CFAP77: variants seen among roughly 807,000 people sequenced by gnomAD.
CFAP77 encodes the protein cilia- and flagella-associated protein 77.
In CFAP77, 25 loss-of-function variants were observed where a neutral mutation model predicts 31.1. The observed-to-expected ratio is 0.80, with a 90% CI of 0.59 to 1.12. The LOEUF is 1.12. CFAP77 is among the 50% of genes most tolerant of loss of function. The pLI, the probability that CFAP77 is intolerant of heterozygous loss-of-function variation, is 0.00. For synonymous variants in CFAP77, 151 were observed against 159.9 expected, an observed-to-expected ratio of 0.94 and a Z score of 0.42; for missense variants, 377 against 397.3, an observed-to-expected ratio of 0.95 and a Z score of 0.44.
At chr9:132,523,081 CTTCT>C (rs376216807) in intron 3 of CFAP77, among the ~76,000 whole-genome samples, 1 of 96,372 alleles carries the variant, frequency 1.0e-5, no homozygotes, top group Non-Finnish European at 2.0e-5. Flanking sequence ...AGGCTTCTTT[CTTCT>C]TTCTTTTTTT....
intron 1 of CFAP77, among the ~76,000 whole-genome samples, chr9:132,433,709 A>C (rs550063603): frequency 8.0e-4 from 122 of 152,000 alleles, no homozygotes; most frequent in African/African-American, 2.7e-3. Flanking sequence ...CACCATGCCC[A>C]GCTAATTTTT....
In CFAP77 at chr9:132,565,347, C is replaced by T. The variant is rs1316968800; in HGVS notation, c.733-7041C>T. Among the ~76,000 whole-genome samples the T allele has an allele frequency of 2.0e-5, 3 of 152,028 alleles. No homozygotes were observed. Among genetic ancestry groups the T allele is most frequent in the African/African-American group, 7.2e-5 (3 of 41,412 alleles). On this transcript the variant is annotated intron_variant, in intron 5 of 5. Coordinates refer to ENST00000393216, the MANE Select transcript of CFAP77 (RefSeq NM_001282957.2). This position sits in a 1 kb window ranked among gnomAD's most constrained non-coding sequence, Gnocchi z 4.1. ...CACAATCTTATTAAATAGCTCTTGT[C>T]GGCCTGGTGCCGTGGCTCACGCCTG...
intron 1 of CFAP77, among the ~76,000 whole-genome samples, chr9:132,458,220 G>C (rs1261135319): frequency 1.3e-5 from 2 of 152,190 alleles, no homozygotes; most frequent in Admixed American, 6.5e-5. Context: ...GGAGCCAGGG[G>C]CGCTTGCACA....
chr9:132,566,937 A>AT (rs1829891493), intron 5 of CFAP77, among the ~76,000 whole-genome samples: 1 of 152,140 alleles, frequency 6.6e-6, no homozygotes, highest in Non-Finnish European at 1.5e-5. Flanking sequence ...CTCATCATTC[A>AT]TTCATACATT....
intron 4 of CFAP77, 132 bp from the exon 5 acceptor site, chr9:132,542,814 G>A (rs1323055285): frequency 4.3e-6 from 3 of 699,666 alleles, no homozygotes; most frequent in Non-Finnish European, 7.6e-6. Flanking sequence ...GAGAAGGGCT[G>A]GGGCCAGAAG....
chr9:132,508,936 G>T (rs546554265), intron 3 of CFAP77, among the ~76,000 whole-genome samples: 3 of 152,306 alleles, frequency 2.0e-5, no homozygotes, highest in Non-Finnish European at 4.4e-5. Context: ...TCCACAGGCC[G>T]CATGCTTCCA....
chr9:132,539,003 C>T lies in CFAP77; in HGVS notation c.630+1297C>T, dbSNP rs1389492700. ...TCGGGAGGCTGAGGCAAGAGAGTTGCTTGGACCCAGGAGGTGGAGGTTGCA... is the reference window on the plus strand; with the variant it reads ...TCGGGAGGCTGAGGCAAGAGAGTTGTTTGGACCCAGGAGGTGGAGGTTGCA... On this transcript the variant is annotated intron_variant, in intron 4 of 5. Coordinates refer to ENST00000393216, the MANE Select transcript of CFAP77 (RefSeq NM_001282957.2). This position sits in a 1 kb window ranked among gnomAD's most constrained non-coding sequence, Gnocchi z 4.3. Among the ~76,000 whole-genome samples, 1 of 152,150 alleles carries T rather than the reference C, an allele frequency of 6.6e-6. No homozygotes were observed. The highest frequency in any genetic ancestry group is 2.4e-5 in the African/African-American group (1 of 41,424).
At chr9:132,470,116 G>C (rs1851228863) in intron 1 of CFAP77, among the ~76,000 whole-genome samples, 1 of 152,170 alleles carries the variant, frequency 6.6e-6, no homozygotes, top group African/African-American at 2.4e-5. Flanking sequence ...TGGGATTACA[G>C]GCGTGAGCCA....
Position 132,461,808 on chromosome 9 carries a change from C to T in CFAP77, c.196-36887C>T, listed in dbSNP as rs1416576606. On this transcript the variant is annotated intron_variant, in intron 1 of 5. Transcript: ENST00000393216. ...GACAGACAGGCTTCTCAGCCAAGGC[C>T]TTTGTTGTGCCACTTCATCCGCCTC... Among the ~76,000 whole-genome samples the T allele has an allele frequency of 2.6e-5, 4 of 152,208 alleles. No homozygotes were observed. The East Asian group carries it at 7.7e-4, about 29-fold the overall frequency.
rs1031725214 is a variant in CFAP77, at chr9:132,481,970, G to C, written c.196-16725G>C. Among the ~76,000 whole-genome samples the C allele has an allele frequency of 4.0e-4, 61 of 150,964 alleles. 1 individual carries two copies. Among genetic ancestry groups the C allele is most frequent in the Admixed American group, 2.0e-3 (31 of 15,176 alleles). On this transcript the variant is annotated intron_variant, in intron 1 of 5. Transcript: ENST00000393216. This position sits in a 1 kb window ranked among gnomAD's most constrained non-coding sequence, Gnocchi z 5.0. ...CAAGGGTTTATGGTTGGGGGGGGGG[G>C]GGGCGGCGGAACACTGAACATTTTT...
At chr9:132,469,303 C>A (rs1038541142) in intron 1 of CFAP77, among the ~76,000 whole-genome samples, 1 of 152,210 alleles carries the variant, frequency 6.6e-6, no homozygotes, top group Non-Finnish European at 1.5e-5. Context: ...CCATTTCCCC[C>A]CTAATTTGTA....
chr9:132,413,733 T>C (rs1216533800), intron 1 of CFAP77, among the ~76,000 whole-genome samples: 1 of 152,204 alleles, frequency 6.6e-6, no homozygotes, highest in Non-Finnish European at 1.5e-5. Flanking sequence ...CCTGACAGCC[T>C]TGGATCTTCT....
At position 132,498,052 on chromosome 9, in the gene CFAP77, G is replaced by T. The variant is rs1851774385; in HGVS notation, c.196-643G>T. 6.6e-6 allele frequency among the ~76,000 whole-genome samples: 1 copy of T among 152,084 alleles called. No individual in the cohort carries two copies. The highest frequency in any genetic ancestry group is 1.5e-5 in the Non-Finnish European group (1 of 67,992). ...GGGTGGTGGCGGCAGGGTGGGGGCG[G>T]CTAATGTGGTTGATGACAGGGCAAT... is the stretch of plus-strand genomic sequence containing the variant. On this transcript the variant is annotated intron_variant, in intron 1 of 5. Coordinates refer to ENST00000393216, the MANE Select transcript of CFAP77 (RefSeq NM_001282957.2). The surrounding 1 kb of genome is among the most constrained non-coding windows in gnomAD (Gnocchi z 4.2).
chr9:132,424,265 G>A lies in CFAP77; in HGVS notation c.195+13799G>A, dbSNP rs895459849. On this transcript the variant is annotated intron_variant, in intron 1 of 5. Coordinates refer to ENST00000393216, the MANE Select transcript of CFAP77 (RefSeq NM_001282957.2). This position sits in a 1 kb window ranked among gnomAD's most constrained non-coding sequence, Gnocchi z 4.1. ...TAAAATTACAAAAATTAGCCGGCAT[G>A]GCCTCGGGTGCCTGTAGTCCCAGCT... 2.6e-5 allele frequency among the ~76,000 whole-genome samples: 4 copies of A among 152,144 alleles called. No homozygotes were observed. The highest frequency in any genetic ancestry group is 9.7e-5 in the African/African-American group (4 of 41,416).
intron 1 of CFAP77, among the ~76,000 whole-genome samples, chr9:132,441,954 G>A (rs146393549): frequency 6.6e-6 from 1 of 152,334 alleles, no homozygotes; most frequent in Non-Finnish European, 1.5e-5. Context: ...GCATATTCCA[G>A]TTTGAGAAGT....
intron 5 of CFAP77, among the ~76,000 whole-genome samples, chr9:132,548,794 C>T (rs1014504307): frequency 6.7e-6 from 1 of 149,796 alleles, no homozygotes; most frequent in Admixed American, 6.8e-5. Flanking sequence ...GTCGTTCAGT[C>T]ACTAAAGTAT....
In CFAP77 at chr9:132,479,170, T is replaced by C. The variant is rs529736975; in HGVS notation, c.196-19525T>C. ...CAAATAGATTTTCGCATGTAGCAAT[T>C]ATGCCACATACTCAGAATCTTTACC... On this transcript the variant is annotated intron_variant, in intron 1 of 5. Coordinates refer to ENST00000393216, the MANE Select transcript of CFAP77 (RefSeq NM_001282957.2). Among the ~76,000 whole-genome samples, 23 of 152,334 alleles carry C rather than the reference T, an allele frequency of 1.5e-4. No homozygotes were observed. In the South Asian group the frequency reaches 2.7e-3, roughly 18 times the overall value.
chr9:132,513,902 C>T (rs1029596081), intron 3 of CFAP77, among the ~76,000 whole-genome samples: 3 of 145,022 alleles, frequency 2.1e-5, no homozygotes, highest in African/African-American at 5.0e-5. Flanking sequence ...TCATTGACCA[C>T]GGGTGACTGT....
At chr9:132,438,541 A>ATTTT (rs10641294) in intron 1 of CFAP77, among the ~76,000 whole-genome samples, 31 of 108,114 alleles carry the variant, frequency 2.9e-4, no homozygotes, top group African/African-American at 5.3e-4. Context: ...ATATATATAT[A>ATTTT]TTTTTTTTTT....
Sources: allele counts gnomAD v4.1 joint callset (sites outside exome capture counted in the v4.1 genomes callset), GRCh38; gene constraint gnomAD v4.1.1; non-coding constraint Gnocchi (gnomAD v3.1); transcripts MANE v1.5; gene names NCBI Gene and HGNC (gene_info 2026-07-23, HGNC 2026-07-21).